Variants in GALNT13 observed in about 807,000 individuals in gnomAD.
GALNT13 encodes the protein UDP-GalNAc:polypeptide N-acetylgalactosaminyltransferase 13.
In GALNT13, 28 loss-of-function variants were observed where a neutral mutation model predicts 64.2. The observed-to-expected ratio is 0.44, with a 90% CI of 0.32 to 0.60. GALNT13 has a LOEUF of 0.60. Among genes scored for constraint, GALNT13 ranks in the 20% least tolerant of loss-of-function variants. The probability of loss-of-function intolerance (pLI) is 0.05; values close to 1 mark genes in which losing one functional copy is unlikely to be tolerated. For synonymous variants in GALNT13, 214 were observed against 224.6 expected, an observed-to-expected ratio of 0.95 and a Z score of 0.42; for missense variants, 577 against 669.8, an observed-to-expected ratio of 0.86 and a Z score of 1.53.
the GALNT13 span, among the ~76,000 whole-genome samples, chr2:153,200,850 A>G: frequency 6.6e-6 from 1 of 152,198 alleles, no homozygotes; most frequent in Non-Finnish European, 1.5e-5. Context: ...GTCCTTCTAT[A>G]GGAAAGTCAG....
At chr2:153,887,234 T>C (rs1687244472) in intron 1 of GALNT13, among the ~76,000 whole-genome samples, 1 of 151,562 alleles carries the variant, frequency 6.6e-6, no homozygotes, top group Admixed American at 6.6e-5. Context: ...GCATGAAATG[T>C]ACTGATTGTT....
At chr2:153,488,956 G>A in the GALNT13 span, among the ~76,000 whole-genome samples, 1 of 152,048 alleles carries the variant, frequency 6.6e-6, no homozygotes, top group Non-Finnish European at 1.5e-5. Context: ...TATTGATCTT[G>A]GATTTCCTGG....
At chr2:153,329,109 C>G in the GALNT13 span, among the ~76,000 whole-genome samples, 2 of 152,034 alleles carry the variant, frequency 1.3e-5, no homozygotes, top group Admixed American at 1.3e-4. Flanking sequence ...CCCACCTGCT[C>G]CTGCTTGCCT....
intron 1 of GALNT13, among the ~76,000 whole-genome samples, chr2:153,885,813 C>G (rs1222258065): frequency 6.6e-6 from 1 of 152,052 alleles, no homozygotes; most frequent in African/African-American, 2.4e-5. Context: ...TGTAGCTGAT[C>G]AAAATAATTG....
At chr2:154,354,451 G>A (rs1261272431) in intron 9 of GALNT13, among the ~76,000 whole-genome samples, 1 of 88,528 alleles carries the variant, frequency 1.1e-5, no homozygotes, top group African/African-American at 4.4e-5. Flanking sequence ...TTTTGCTGTT[G>A]TAGCTGAGCT....
At chr2:153,330,384 T>C in the GALNT13 span, among the ~76,000 whole-genome samples, 1 of 152,200 alleles carries the variant, frequency 6.6e-6, no homozygotes. Context: ...GCCATTTTCA[T>C]GATATTAATT....
chr2:154,336,567 T>C (rs1695457794), intron 9 of GALNT13, among the ~76,000 whole-genome samples: 1 of 152,184 alleles, frequency 6.6e-6, no homozygotes. Context: ...TATATTTAAA[T>C]AATCCTTTTA....
chr2:153,868,206 A>G (rs942862418), upstream of GALNT13, among the ~76,000 whole-genome samples: 15 of 152,086 alleles, frequency 9.9e-5, no homozygotes, highest in African/African-American at 3.6e-4. Context: ...TAAGTGCTCA[A>G]TGTATATTCA....
At chr2:153,329,964 G>A in the GALNT13 span, among the ~76,000 whole-genome samples, 1 of 152,170 alleles carries the variant, frequency 6.6e-6, no homozygotes, top group African/African-American at 2.4e-5. Flanking sequence ...TATAGTGAAA[G>A]GCAGCAGTCC....
chr2:153,706,812 A>G, the GALNT13 span, among the ~76,000 whole-genome samples: 1 of 152,278 alleles, frequency 6.6e-6, no homozygotes, highest in South Asian at 2.1e-4. Context: ...GCCACTTATT[A>G]TTTCTTCAAA....
chr2:154,034,302 T>C (rs1698523563), intron 3 of GALNT13, among the ~76,000 whole-genome samples: 1 of 152,158 alleles, frequency 6.6e-6, no homozygotes, highest in Non-Finnish European at 1.5e-5. Context: ...AAATGAACTA[T>C]TGATATACAC....
intron 4 of GALNT13, among the ~76,000 whole-genome samples, chr2:154,234,126 T>G (rs1259812235): frequency 3.3e-5 from 5 of 152,062 alleles, no homozygotes; most frequent in Admixed American, 3.3e-4. Context: ...TTACTGAAAT[T>G]TTTTGGGAAA....
intron 4 of GALNT13, among the ~76,000 whole-genome samples, chr2:154,229,143 A>T (rs996074524): frequency 5.3e-5 from 8 of 151,974 alleles, no homozygotes; most frequent in Non-Finnish European, 7.4e-5. Flanking sequence ...AAGAAAAAAA[A>T]ATGCTTCTCT....
chr2:153,659,899 A>G, the GALNT13 span, among the ~76,000 whole-genome samples: 1 of 152,158 alleles, frequency 6.6e-6, no homozygotes, highest in African/African-American at 2.4e-5. Flanking sequence ...GAGATAGTCT[A>G]AAGTATTCTA....
the GALNT13 span, among the ~76,000 whole-genome samples, chr2:153,321,799 T>C: frequency 6.6e-6 from 1 of 152,098 alleles, no homozygotes; most frequent in South Asian, 2.1e-4. Flanking sequence ...GCAAAGTGTT[T>C]GGTAGGGATA....
chr2:153,901,291 A>G lies in GALNT13; in HGVS notation c.-105+284A>G, dbSNP rs1688220264. On this transcript the variant is annotated intron_variant, in intron 2 of 12. Coordinates refer to ENST00000392825, the MANE Select transcript of GALNT13 (RefSeq NM_052917.4). ...CTCTAGTTTTTTCTTTATGCTTAAG[A>G]TTGCCTTGGCTATTTTGGCTCTTTT... Among the ~76,000 whole-genome samples the G allele has an allele frequency of 2.0e-5, 3 of 152,104 alleles. No individual in the cohort carries two copies. In the South Asian group the frequency reaches 6.2e-4, roughly 32 times the overall value.
At chr2:153,525,947 C>T in the GALNT13 span, among the ~76,000 whole-genome samples, 20 of 152,274 alleles carry the variant, frequency 1.3e-4, no homozygotes, top group Non-Finnish European at 2.6e-4. Context: ...TGGTGGAAGC[C>T]GCAGATGAGG....
the GALNT13 span, among the ~76,000 whole-genome samples, chr2:153,263,394 C>T: frequency 9.9e-5 from 15 of 152,220 alleles, no homozygotes; most frequent in East Asian, 2.7e-3. Flanking sequence ...AGATTCAGTG[C>T]AATTCCTGTT....
the GALNT13 span, among the ~76,000 whole-genome samples, chr2:153,707,638 A>G: frequency 1.3e-5 from 2 of 152,152 alleles, no homozygotes; most frequent in South Asian, 2.1e-4. Context: ...TCACTTTCAG[A>G]GAGAAGCAAG....
Sources: gnomAD v4.1 joint callset for allele counts (sites outside exome capture counted in the v4.1 genomes callset) on GRCh38, gnomAD v4.1.1 for gene constraint, MANE v1.5 for transcripts, NCBI Gene and HGNC (gene_info 2026-07-23, HGNC 2026-07-21) for gene names.